ABCC1: variants seen among roughly 807,000 people sequenced by gnomAD.
ABCC1 encodes the protein ATP binding cassette subfamily C member 1 (ABCC1 blood group), also known as multidrug resistance-associated protein 1.
Under a neutral mutation model 172.9 loss-of-function variants are expected in ABCC1, and 83 were observed. That is an observed-to-expected ratio of 0.48 (90% CI 0.40 to 0.58). ABCC1 has a LOEUF of 0.58. Ranked by LOEUF, ABCC1 falls within the 20% of genes least tolerant of loss-of-function variation. ABCC1 has a pLI of 0.00. For missense variants in ABCC1, 1,817 were observed against 2,002.7 expected (o/e 0.91, Z 1.77); for synonymous variants, 937 against 825.2 (o/e 1.14, Z -2.32).
intron 1 of ABCC1, among the ~76,000 whole-genome samples, chr16:15,958,939 CT>C (rs924250951): frequency 1.3e-5 from 2 of 152,134 alleles, no homozygotes; most frequent in African/African-American, 4.8e-5. Flanking sequence ...CCTCTACCCC[CT>C]AGTAGATGCT....
chr16:16,075,620 G>C (rs45454999), intron 14 of ABCC1, among the ~76,000 whole-genome samples: 3,970 of 152,302 alleles, frequency 0.026, 78 homozygotes, highest in East Asian at 0.052. Context: ...GCAGAAGCCA[G>C]ATCCTGTCTC....
chr16:15,973,349 T>C (rs1380196168), intron 1 of ABCC1, among the ~76,000 whole-genome samples: 1 of 152,174 alleles, frequency 6.6e-6, no homozygotes, highest in African/African-American at 2.4e-5. Context: ...CATTTTTGGC[T>C]GTCACGATGG....
chr16:16,102,488 G>C (rs2051806412), intron 19 of ABCC1, 139 bp from the exon 20 acceptor site: 8 of 723,126 alleles, frequency 1.1e-5, no homozygotes, highest in African/African-American at 1.8e-5. Flanking sequence ...CCTCTGCAGA[G>C]CAGGTCTCCT....
At chr16:16,069,612 C>T (rs1032642981) in intron 13 of ABCC1, among the ~76,000 whole-genome samples, 1 of 151,664 alleles carries the variant, frequency 6.6e-6, no homozygotes, top group Admixed American at 6.6e-5. Context: ...TTTGGTAGTA[C>T]AAGGCTGATA....
intron 20 of ABCC1, among the ~76,000 whole-genome samples, chr16:16,104,213 A>G (rs1014484843): frequency 3.9e-5 from 6 of 152,166 alleles, no homozygotes; most frequent in African/African-American, 1.4e-4. Flanking sequence ...ACAGTTTGGA[A>G]GGGTACCCCA....
In ABCC1 at chr16:16,009,843, G is replaced by A. The variant is rs975801270; in HGVS notation, c.293G>A (p.Arg98Gln). 1.2e-6 allele frequency: 2 copies of A among 1,611,718 alleles called. No individual in the cohort carries two copies. Among genetic ancestry groups the A allele is most frequent in the Non-Finnish European group, 1.7e-6 (2 of 1,179,208 alleles). The change falls in exon 3 of 31, where the codon CGG (arginine) becomes CAG (glutamine). Residue 98 changes from arginine (R) to glutamine (Q), a missense_variant. This residue lies in a region of ABCC1 where 398 missense variants were observed against 384.2 expected (regional missense o/e 1.04). Transcript: ENST00000399410. ...TTCTACTCTTTCTGGGAAAGAAGTC[G>A]GGGCATATTCCTGGCCCCAGTGTTT... ...DLFYSFWERS[R>Q]GIFLAPVFLV... is the part of the protein sequence containing the mutation.
intron 27 of ABCC1, 48 bp from the exon 28 acceptor site, chr16:16,134,302 G>A (rs2045828075): frequency 1.2e-6 from 2 of 1,609,044 alleles, no homozygotes; most frequent in East Asian, 2.2e-5. Context: ...GCAGGGACAA[G>A]TCCGGATGCC....
chr16:16,012,086 G>A (rs1158951126), intron 3 of ABCC1, among the ~76,000 whole-genome samples: 1 of 152,202 alleles, frequency 6.6e-6, no homozygotes, highest in Non-Finnish European at 1.5e-5. Flanking sequence ...ATAGGTGTGA[G>A]CCACCATGCC....
chr16:16,029,478 C>G (rs1213652137), intron 5 of ABCC1, among the ~76,000 whole-genome samples: 1 of 152,210 alleles, frequency 6.6e-6, no homozygotes, highest in Non-Finnish European at 1.5e-5. Context: ...CCCGCCTCAG[C>G]CTCCCAAAGT....
At chr16:16,083,289 C>T (rs113348662) in intron 16 of ABCC1, 77 bp from the exon 17 acceptor site, 163 of 1,422,020 alleles carry the variant, frequency 1.1e-4, no homozygotes, top group African/African-American at 6.0e-4. Flanking sequence ...TCCTAGCAGG[C>T]GGGTGGGCCA....
chr16:15,964,358 C>T (rs1057394828), intron 1 of ABCC1, among the ~76,000 whole-genome samples: 11 of 152,180 alleles, frequency 7.2e-5, no homozygotes, highest in African/African-American at 2.7e-4. Flanking sequence ...ATCTCTAGGG[C>T]AGGGTCAAAA....
chr16:16,125,944 C>T (rs761174385), intron 26 of ABCC1, 33 bp downstream of exon 26: 9 of 1,557,618 alleles, frequency 5.8e-6, no homozygotes, highest in Non-Finnish European at 8.0e-6. Flanking sequence ...ACCTCTTGGT[C>T]TTTGGTGTAG....
intron 19 of ABCC1, among the ~76,000 whole-genome samples, chr16:16,093,946 A>G (rs1474301763): frequency 1.4e-5 from 2 of 144,250 alleles, no homozygotes; most frequent in Non-Finnish European, 3.0e-5. Flanking sequence ...TTTCTAAGAA[A>G]TATATCTTTT....
chr16:15,976,648 G>A (rs1313471585), intron 1 of ABCC1, among the ~76,000 whole-genome samples: 1 of 152,070 alleles, frequency 6.6e-6, no homozygotes, highest in Non-Finnish European at 1.5e-5. Context: ...TCTACTAAGG[G>A]GGCTTCAGCA....
At chr16:16,005,715 G>A (rs556589846) in intron 1 of ABCC1, among the ~76,000 whole-genome samples, 2 of 152,326 alleles carry the variant, frequency 1.3e-5, no homozygotes, top group South Asian at 4.1e-4. Context: ...CCAACACTTT[G>A]GGAGACTGAG....
At chr16:16,044,338 G>A (rs1369898494) in intron 7 of ABCC1, 112 bp from the exon 8 acceptor site, 9 of 946,096 alleles carry the variant, frequency 9.5e-6, no homozygotes, top group South Asian at 1.5e-5. Context: ...CCCTGGGCTT[G>A]TTGTCTTTGA....
At chr16:15,950,627 G>C (rs1303620864) in intron 1 of ABCC1, among the ~76,000 whole-genome samples, 1 of 152,206 alleles carries the variant, frequency 6.6e-6, no homozygotes, top group Non-Finnish European at 1.5e-5. Context: ...TGTGGTTTAA[G>C]CCCCAGTCTT....
chr16:16,090,388 G>A lies in ABCC1; in HGVS notation c.2461-17G>A, dbSNP rs1287347966. 1 of 1,569,302 alleles carries A rather than the reference G, an allele frequency of 6.4e-7. No homozygotes were observed. On this transcript the variant is annotated splice_polypyrimidine_tract_variant and intron_variant, in intron 18 of 30. Coordinates refer to ENST00000399410, the MANE Select transcript of ABCC1 (RefSeq NM_004996.4). ...CACATGTGCACTCACGTGGCCGGGT[G>A]TCCCCTTTGCCCACAGACGCGGATC...
chr16:16,055,282 G>T (rs2049600327), intron 11 of ABCC1, among the ~76,000 whole-genome samples: 1 of 152,112 alleles, frequency 6.6e-6, no homozygotes, highest in Admixed American at 6.6e-5. Flanking sequence ...GCTGGGTGCG[G>T]TGGCTCACAC....
Sources: gnomAD v4.1 joint callset for allele counts (sites outside exome capture counted in the v4.1 genomes callset) on GRCh38, gnomAD v4.1.1 for gene constraint, gnomAD v4.1.1 regional missense constraint, MANE v1.5 for transcripts, NCBI Gene and HGNC (gene_info 2026-07-23, HGNC 2026-07-21) for gene names.